PCDHA2: variants seen among roughly 807,000 people sequenced by gnomAD.
PCDHA2 encodes the protein protocadherin alpha 2, also known as protocadherin alpha-2.
A neutral mutation model predicts 66.0 loss-of-function variants in PCDHA2; 58 were observed. The observed-to-expected ratio is 0.88, with a 90% confidence interval of 0.71 to 1.09. PCDHA2 has a LOEUF of 1.09. PCDHA2 is among the 50% of genes least tolerant of loss of function. The pLI, the probability that PCDHA2 is intolerant of heterozygous loss-of-function variation, is 0.00. For missense variants in PCDHA2, 1,267 were observed against 1,242.3 expected, an observed-to-expected ratio of 1.02 and a Z score of -0.30; for synonymous variants, 634 against 554.0, an observed-to-expected ratio of 1.14 and a Z score of -2.03.
intron 1 of PCDHA2, among the ~76,000 whole-genome samples, chr5:140,875,128 C>A (rs1554167491): frequency 6.6e-6 from 1 of 152,068 alleles, no homozygotes; most frequent in East Asian, 1.9e-4. Context: ...ATTAACTAAA[C>A]CCGCATTTAT....
intron 1 of PCDHA2, chr5:140,841,807 TG>T (rs2150323037): frequency 6.8e-6 from 11 of 1,613,820 alleles, no homozygotes; most frequent in Non-Finnish European, 9.3e-6. Flanking sequence ...ATGCAGATGT[TG>T]GAGCTAACTC....
chr5:140,843,674 G>A (rs2150364800), intron 1 of PCDHA2: 16 of 1,592,324 alleles, frequency 1.0e-5, no homozygotes, highest in Middle Eastern at 1.7e-4. Context: ...ATCAGTTGAT[G>A]TAGGCGAAGA....
intron 1 of PCDHA2, among the ~76,000 whole-genome samples, chr5:140,936,526 C>T (rs183606913): frequency 6.6e-6 from 1 of 152,302 alleles, no homozygotes; most frequent in East Asian, 1.9e-4. Flanking sequence ...CCTGAAATTG[C>T]TTTTGAATAT....
chr5:140,822,798 T>A (rs2150119412), intron 1 of PCDHA2: 1 of 1,614,188 alleles, frequency 6.2e-7, no homozygotes, highest in South Asian at 1.1e-5. Context: ...AACTCCTGGA[T>A]GTGAATGATA....
chr5:140,883,159 G>T (rs782151764), intron 1 of PCDHA2: 3 of 1,613,846 alleles, frequency 1.9e-6, no homozygotes, highest in South Asian at 1.1e-5. Flanking sequence ...CCATAAATCC[G>T]AACAATGGAG....
At chr5:140,805,078 C>A in intron 1 of PCDHA2, 1 of 1,593,568 alleles carries the variant, frequency 6.3e-7, no homozygotes, top group Non-Finnish European at 8.5e-7. Flanking sequence ...CTTCAATCTT[C>A]AAATCCAGCT....
intron 1 of PCDHA2, chr5:140,835,068 C>T: frequency 8.3e-7 from 1 of 1,210,660 alleles, no homozygotes; most frequent in Non-Finnish European, 1.1e-6. Flanking sequence ...CGTTCAATTA[C>T]TCATCACGGT....
intron 1 of PCDHA2, chr5:140,857,943 C>G: frequency 6.3e-7 from 1 of 1,597,460 alleles, no homozygotes. Context: ...GAGATCAGTA[C>G]GACGCGCGCT....
Position 140,849,791 on chromosome 5 carries a change from G to A in PCDHA2, c.2388+52439G>A. ...TGGTTACCGCGCGGGACGGGGGCTC[G>A]CCTTCACTGTGGGCCACGGCCAGGG... On this transcript the variant is annotated intron_variant, in intron 1 of 3. Coordinates refer to ENST00000526136, the MANE Select transcript of PCDHA2 (RefSeq NM_018905.3). The A allele has an allele frequency of 1.9e-6, 3 of 1,598,446 alleles. 1 individual carries two copies. Among genetic ancestry groups the A allele is most frequent in the African/African-American group, 1.3e-5 (1 of 74,534 alleles).
chr5:140,854,721 T>C (rs941408696), intron 1 of PCDHA2: 9 of 149,956 alleles, frequency 6.0e-5, no homozygotes, highest in Non-Finnish European at 1.2e-4. Flanking sequence ...GACAGAAAAC[T>C]CAAGTTTTTT....
At chr5:140,864,054 C>T (rs575153653) in intron 1 of PCDHA2, 20 of 152,698 alleles carry the variant, frequency 1.3e-4, no homozygotes, top group African/African-American at 4.6e-4. Flanking sequence ...TTACTACAGT[C>T]ACCATGAACA....
chr5:140,870,693 A>C, intron 1 of PCDHA2: 1 of 1,612,950 alleles, frequency 6.2e-7, no homozygotes, highest in Non-Finnish European at 8.5e-7. Context: ...TGGAGCTGCT[A>C]CAGTTCCAGG....
At chr5:140,802,973 G>T in intron 1 of PCDHA2, 1 of 1,614,016 alleles carries the variant, frequency 6.2e-7, no homozygotes, top group Non-Finnish European at 8.5e-7. Flanking sequence ...ACGTGGTAGC[G>T]AAGGTGCGCG....
intron 1 of PCDHA2, chr5:140,862,407 C>T: frequency 2.8e-6 from 1 of 351,564 alleles, no homozygotes; most frequent in Non-Finnish European, 5.6e-6. Flanking sequence ...TGTCTACCTT[C>T]AAAAGGCGCT....
rs782034471 is a variant in PCDHA2 at position 141,010,170 on chromosome 5, T to G, written c.*233T>G. ...TCCACTCTGGCTTGTTTTCAGAACCTAAAAAGCAGACCCAAGTTTCCTTTC... is the reference window on the plus strand; with the variant it reads ...TCCACTCTGGCTTGTTTTCAGAACCGAAAAAGCAGACCCAAGTTTCCTTTC... On this transcript the variant is annotated 3_prime_UTR_variant, in exon 4 of 4. Transcript: ENST00000526136. 6.4e-7 allele frequency: 1 copy of G among 1,559,590 alleles called. No individual in the cohort carries two copies.
intron 1 of PCDHA2, among the ~76,000 whole-genome samples, chr5:140,892,029 T>C (rs954107632): frequency 2.0e-4 from 30 of 152,336 alleles, no homozygotes; most frequent in Middle Eastern, 6.8e-3. Context: ...TGGTCTAAGA[T>C]ACTTTTATTT....
At chr5:140,967,979 G>C (rs1405177525) in intron 1 of PCDHA2, 3 of 1,614,100 alleles carry the variant, frequency 1.9e-6, no homozygotes, top group Non-Finnish European at 2.5e-6. Flanking sequence ...CCTGGGTCTG[G>C]AGGCCACACT....
chr5:141,000,948 G>C (rs1032144041), intron 3 of PCDHA2, among the ~76,000 whole-genome samples: 3 of 151,774 alleles, frequency 2.0e-5, no homozygotes, highest in Non-Finnish European at 1.5e-5. Flanking sequence ...AAATTATCTT[G>C]CTGTAATTTA....
At chr5:140,855,517 A>G (rs2043504995) in intron 1 of PCDHA2, among the ~76,000 whole-genome samples, 1 of 149,978 alleles carries the variant, frequency 6.7e-6, no homozygotes, top group Admixed American at 6.7e-5. Flanking sequence ...TCTCAAAATA[A>G]TGAGAAAGAG....
Sources: gnomAD v4.1 joint callset for allele counts (sites outside exome capture counted in the v4.1 genomes callset) on GRCh38, gnomAD v4.1.1 for gene constraint, MANE v1.5 for transcripts, NCBI Gene and HGNC (gene_info 2026-07-23, HGNC 2026-07-21) for gene names.